The following ANK2 variants were observed in gnomAD, a reference collection of about 807,000 sequenced individuals.
The protein encoded by ANK2 is ankyrin 2, also known as ankyrin-2.
ANK2 carries 83 observed loss-of-function variants against 360.5 expected under a neutral mutation model. The ratio of observed to expected loss-of-function variants is 0.23; its 90% CI spans 0.19 to 0.28. The LOEUF (loss-of-function observed/expected upper bound fraction) is 0.28. Ranked by LOEUF, ANK2 falls within the 10% of genes least tolerant of loss-of-function variation. The pLI, the probability that ANK2 is intolerant of heterozygous loss-of-function variation, is 1.00. For missense variants in ANK2, 4,201 were observed against 4,795.7 expected (o/e 0.88, Z 3.66); for synonymous variants, 1,740 against 1,759.5 (o/e 0.99, Z 0.28).
At chr4:112,793,319 A>T in the ANK2 span, among the ~76,000 whole-genome samples, 1 of 152,218 alleles carries the variant, frequency 6.6e-6, no homozygotes, top group South Asian at 2.1e-4. Flanking sequence ...AAAAAAGGCA[A>T]ATCTAAATGT....
chr4:113,135,088 A>T (rs1403916484), intron 1 of ANK2, among the ~76,000 whole-genome samples: 2 of 152,184 alleles, frequency 1.3e-5, no homozygotes, highest in Non-Finnish European at 2.9e-5. Context: ...ACAAGTAGAA[A>T]ATGCACATCT....
the ANK2 span, among the ~76,000 whole-genome samples, chr4:112,725,139 G>T: frequency 6.6e-6 from 1 of 151,378 alleles, no homozygotes; most frequent in African/African-American, 2.4e-5. Flanking sequence ...AAAATTAGTT[G>T]GCCATGGTGG....
intron 36 of ANK2, among the ~76,000 whole-genome samples, chr4:113,349,556 C>A (rs1267861056): frequency 6.6e-6 from 1 of 151,940 alleles, no homozygotes; most frequent in Admixed American, 6.6e-5. Context: ...TAGCCATATA[C>A]ACAATCAACT....
chr4:113,332,698 C>T lies in ANK2; in HGVS notation c.3225-356C>T, dbSNP rs886328938. On this transcript the variant is annotated intron_variant, in intron 28 of 45. Transcript: ENST00000357077. ...CCTCTTAAACCATTTCGTCATTTTGCACCTTGTCGAAAATGTTTTAGGAGA... is the reference window on the plus strand; with the variant it reads ...CCTCTTAAACCATTTCGTCATTTTGTACCTTGTCGAAAATGTTTTAGGAGA... Among the ~76,000 whole-genome samples the T allele has an allele frequency of 2.0e-5, 3 of 152,214 alleles. No homozygotes were observed. The East Asian group carries it at 5.8e-4, about 29-fold the overall frequency.
intron 1 of ANK2, among the ~76,000 whole-genome samples, chr4:112,822,290 T>A (rs1429994492): frequency 6.8e-6 from 1 of 147,328 alleles, no homozygotes; most frequent in Non-Finnish European, 1.5e-5. Flanking sequence ...TGGTGGCATG[T>A]GCCTGTAGTC....
chr4:112,833,353 G>A (rs930159934), intron 1 of ANK2, among the ~76,000 whole-genome samples: 2 of 152,194 alleles, frequency 1.3e-5, no homozygotes, highest in Non-Finnish European at 2.9e-5. Context: ...TTTTAGAGAT[G>A]TCAGGGCAAT....
chr4:113,348,495 A>G (rs1400687265), intron 36 of ANK2, among the ~76,000 whole-genome samples, 187 bp downstream of exon 36: 3 of 152,194 alleles, frequency 2.0e-5, no homozygotes, highest in African/African-American at 4.8e-5. Flanking sequence ...AGGGAATAGT[A>G]AAGTTTCCCT....
chr4:113,255,970 TGA>T, intron 11 of ANK2, 38 bp downstream of exon 11: 1 of 1,598,272 alleles, frequency 6.3e-7, no homozygotes, highest in Non-Finnish European at 8.6e-7. Flanking sequence ...GAATACAGAT[TGA>T]GACAAACAAA....
intron 1 of ANK2, among the ~76,000 whole-genome samples, chr4:113,084,386 A>G (rs1386302099): frequency 6.6e-6 from 1 of 152,234 alleles, no homozygotes; most frequent in Non-Finnish European, 1.5e-5. Flanking sequence ...GCTGTATTCA[A>G]GCACCAACTG....
At chr4:113,149,029 C>T (rs2096937852) in intron 1 of ANK2, 1 of 152,242 alleles carries the variant, frequency 6.6e-6, no homozygotes, top group South Asian at 2.1e-4. Flanking sequence ...TGAGAAAAAT[C>T]TCTCTCCCTT....
the ANK2 span, among the ~76,000 whole-genome samples, chr4:112,707,567 T>G: frequency 6.6e-6 from 1 of 152,212 alleles, no homozygotes; most frequent in Admixed American, 6.5e-5. Context: ...TTTGTGATAG[T>G]TATGCATTCA....
At chr4:112,801,143 A>G in the ANK2 span, among the ~76,000 whole-genome samples, 1 of 152,172 alleles carries the variant, frequency 6.6e-6, no homozygotes, top group African/African-American at 2.4e-5. Context: ...TGACAACTGA[A>G]TCATAGTCTG....
Position 113,199,115 on chromosome 4 carries a change from C to T in ANK2, c.384+6C>T, listed in dbSNP as rs2153405893. On this transcript the variant is annotated splice_donor_region_variant and intron_variant, in intron 4 of 45. Coordinates refer to ENST00000357077, the MANE Select transcript of ANK2 (RefSeq NM_001148.6). ...ATATTAATGCACAGTCTCAGGTATT[C>T]CATTCAGATTTTCCCTGATGTACAT... The T allele has an allele frequency of 6.3e-7, 1 of 1,597,554 alleles. No individual in the cohort carries two copies. The highest frequency in any genetic ancestry group is 8.6e-7 in the Non-Finnish European group (1 of 1,165,240).
At chr4:113,297,575 G>A (rs1214729948) in intron 22 of ANK2, among the ~76,000 whole-genome samples, 2 of 152,002 alleles carry the variant, frequency 1.3e-5, no homozygotes, top group Middle Eastern at 6.3e-3. Flanking sequence ...TTTAAAAATA[G>A]GAGCCATAAA....
At chr4:112,921,110 G>C in intron 2 of ANK2, among the ~76,000 whole-genome samples, 1 of 147,540 alleles carries the variant, frequency 6.8e-6, no homozygotes, top group Non-Finnish European at 1.5e-5. Flanking sequence ...GGAGTGCAGT[G>C]GTGCGATCTC....
chr4:113,108,865 T>A (rs1182806020), intron 1 of ANK2, among the ~76,000 whole-genome samples: 11 of 152,242 alleles, frequency 7.2e-5, no homozygotes, highest in Admixed American at 7.2e-4. Flanking sequence ...GAGAAAAATG[T>A]TATTTGAATT....
At chr4:113,038,543 A>T (rs1465460145) in intron 2 of ANK2, among the ~76,000 whole-genome samples, 1 of 151,748 alleles carries the variant, frequency 6.6e-6, no homozygotes, top group African/African-American at 2.4e-5. Flanking sequence ...GGCCTAGTAC[A>T]TTTCCCAAGA....
chr4:112,725,778 G>A, the ANK2 span, among the ~76,000 whole-genome samples: 1 of 152,128 alleles, frequency 6.6e-6, no homozygotes, highest in South Asian at 2.1e-4. Context: ...TGGAGGCTGG[G>A]GGAATGGGAA....
At chr4:113,188,459 G>A (rs1404494031) in intron 2 of ANK2, among the ~76,000 whole-genome samples, 2 of 152,070 alleles carry the variant, frequency 1.3e-5, no homozygotes, top group Admixed American at 6.6e-5. Flanking sequence ...CTTATAGGGG[G>A]AAACTTCTTT....
Sources: allele counts gnomAD v4.1 joint callset (sites outside exome capture counted in the v4.1 genomes callset), GRCh38; gene constraint gnomAD v4.1.1; transcripts MANE v1.5; gene names NCBI Gene and HGNC (gene_info 2026-07-23, HGNC 2026-07-21).